Variants in CNTNAP2 observed in about 807,000 individuals in gnomAD.
CNTNAP2 encodes contactin associated protein 2, also known as contactin-associated protein-like 2.
In CNTNAP2, 98 loss-of-function variants were observed where a neutral mutation model predicts 155.2. That is an observed-to-expected ratio of 0.63 (90% CI 0.54 to 0.75). The LOEUF (loss-of-function observed/expected upper bound fraction) is 0.75, where lower values mean the gene tolerates loss of function less well. CNTNAP2 is among the 30% of genes least tolerant of loss of function. The pLI, the probability that CNTNAP2 is intolerant of heterozygous loss-of-function variation, is 0.00. For missense variants in CNTNAP2, 1,727 were observed against 1,688.1 expected (o/e 1.02, Z -0.40); for synonymous variants, 651 against 631.2 (o/e 1.03, Z -0.47).
rs192065818 is a variant in CNTNAP2, at chr7:147,132,055, G to A, written c.1084-190G>A. On this transcript the variant is annotated intron_variant, in intron 7 of 23. Coordinates refer to ENST00000361727, the MANE Select transcript of CNTNAP2 (RefSeq NM_014141.6). ...GACAGCCAACTGCTGCTCAGTAGTA[G>A]GTCTTACACTCCAAGTAGATCCGTA... Among the ~76,000 whole-genome samples the A allele has an allele frequency of 4.2e-4, 64 of 152,206 alleles. No homozygotes were observed. In the East Asian group the frequency reaches 0.011, roughly 27 times the overall value.
intron 17 of CNTNAP2, among the ~76,000 whole-genome samples, chr7:148,162,728 G>A (rs1208174756): frequency 6.6e-6 from 1 of 152,198 alleles, no homozygotes; most frequent in Non-Finnish European, 1.5e-5. Flanking sequence ...AGGTGCAGGG[G>A]CTCACACCTG....
At chr7:147,738,767 G>T (rs764624308) in intron 13 of CNTNAP2, among the ~76,000 whole-genome samples, 1 of 150,414 alleles carries the variant, frequency 6.6e-6, no homozygotes, top group Non-Finnish European at 1.5e-5. Context: ...TGATTCTCCT[G>T]CCTTAGCCTC....
At chr7:148,406,661 G>A (rs1799710203) in intron 22 of CNTNAP2, among the ~76,000 whole-genome samples, 1 of 152,208 alleles carries the variant, frequency 6.6e-6, no homozygotes, top group African/African-American at 2.4e-5. Context: ...ACTAAATAGT[G>A]TCCAGAGAAG....
chr7:147,735,665 T>G (rs1796829873), intron 13 of CNTNAP2, among the ~76,000 whole-genome samples: 1 of 152,212 alleles, frequency 6.6e-6, no homozygotes, highest in Non-Finnish European at 1.5e-5. Context: ...CTAAGTCTCT[T>G]TGTAGGTGTC....
intron 22 of CNTNAP2, among the ~76,000 whole-genome samples, chr7:148,404,100 G>A (rs1303876662): frequency 6.6e-6 from 1 of 152,234 alleles, no homozygotes; most frequent in Admixed American, 6.5e-5. Context: ...TACCTGCATA[G>A]AAGGTTTTGT....
intron 13 of CNTNAP2, among the ~76,000 whole-genome samples, chr7:147,861,927 G>T (rs575952661): frequency 3.9e-4 from 57 of 145,788 alleles, no homozygotes; most frequent in African/African-American, 1.3e-3. Flanking sequence ...GAACCCAGGA[G>T]GCAGAAGTTG....
chr7:148,095,787 T>C (rs1197197459), intron 15 of CNTNAP2, among the ~76,000 whole-genome samples: 1 of 152,220 alleles, frequency 6.6e-6, no homozygotes. Context: ...TGTTATGCTT[T>C]GTGGAAACTA....
At chr7:146,701,718 A>G (rs189119259) in intron 1 of CNTNAP2, among the ~76,000 whole-genome samples, 1 of 152,276 alleles carries the variant, frequency 6.6e-6, no homozygotes, top group Non-Finnish European at 1.5e-5. Flanking sequence ...TATGACATCT[A>G]CTTTGACATC....
rs138699329 is a variant in CNTNAP2 at position 147,364,108 on chromosome 7, T to A, written c.1499-31501T>A. 6.9e-3 allele frequency among the ~76,000 whole-genome samples: 1,044 copies of A among 152,312 alleles called. 10 individuals carry two copies. The highest frequency in any genetic ancestry group is 0.024 in the African/African-American group (1,002 of 41,568). On this transcript the variant is annotated intron_variant, in intron 9 of 23. Transcript: ENST00000361727. ...ATGGTTAACAGATTTTAAGATATTATCTCTCATCAAATAATCATGTTGAGA... is the reference window on the plus strand; with the variant it reads ...ATGGTTAACAGATTTTAAGATATTAACTCTCATCAAATAATCATGTTGAGA...
At chr7:146,396,084 G>C (rs1430469833) in intron 1 of CNTNAP2, among the ~76,000 whole-genome samples, 1 of 151,928 alleles carries the variant, frequency 6.6e-6, no homozygotes, top group Non-Finnish European at 1.5e-5. Context: ...CTTCATCCCT[G>C]CCCTGACACA....
At chr7:147,683,975 A>G (rs1337786379) in intron 13 of CNTNAP2, among the ~76,000 whole-genome samples, 1 of 151,732 alleles carries the variant, frequency 6.6e-6, no homozygotes, top group East Asian at 1.9e-4. Flanking sequence ...TAATTTCTCT[A>G]CCAATGGAGG....
chr7:147,576,065 C>T (rs1451178331), intron 12 of CNTNAP2, among the ~76,000 whole-genome samples: 4 of 151,434 alleles, frequency 2.6e-5, no homozygotes, highest in Non-Finnish European at 5.9e-5. Context: ...CGAAGAAACC[C>T]TCAGTTCTTA....
At chr7:147,645,537 A>G (rs1336666396) in intron 13 of CNTNAP2, among the ~76,000 whole-genome samples, 4 of 152,218 alleles carry the variant, frequency 2.6e-5, no homozygotes, top group Non-Finnish European at 5.9e-5. Flanking sequence ...AATTGTATCG[A>G]GTAATGTTTC....
chr7:148,373,185 C>T (rs1237623370), intron 21 of CNTNAP2, among the ~76,000 whole-genome samples: 1 of 152,140 alleles, frequency 6.6e-6, no homozygotes, highest in African/African-American at 2.4e-5. Flanking sequence ...AGGCCAGGTG[C>T]AGTGGCTCAC....
chr7:146,565,927 T>G (rs1798349898), intron 1 of CNTNAP2, among the ~76,000 whole-genome samples: 1 of 152,254 alleles, frequency 6.6e-6, no homozygotes, highest in African/African-American at 2.4e-5. Flanking sequence ...CACTCCTCCC[T>G]TCTTGTTATT....
intron 9 of CNTNAP2, among the ~76,000 whole-genome samples, chr7:147,305,855 C>G (rs1008967994): frequency 1.3e-5 from 2 of 152,110 alleles, no homozygotes; most frequent in Non-Finnish European, 2.9e-5. Flanking sequence ...TGTCTGAAGG[C>G]CCCAGGGGAG....
chr7:147,894,217 A>T (rs1280518847), intron 13 of CNTNAP2: 1 of 152,240 alleles, frequency 6.6e-6, no homozygotes, highest in Non-Finnish European at 1.5e-5. Context: ...GCCTATACTT[A>T]GTAAGTGTAT....
At chr7:146,696,822 A>G (rs1444609208) in intron 1 of CNTNAP2, among the ~76,000 whole-genome samples, 3 of 152,102 alleles carry the variant, frequency 2.0e-5, no homozygotes, top group African/African-American at 7.2e-5. Flanking sequence ...TGGAATTTTC[A>G]GCTTCTTTTT....
At chr7:147,647,021 AC>A (rs906129255) in intron 13 of CNTNAP2, among the ~76,000 whole-genome samples, 48 of 150,324 alleles carry the variant, frequency 3.2e-4, no homozygotes, top group African/African-American at 1.2e-3. Flanking sequence ...TCACTCTGTC[AC>A]CAGGCTGGAG....
Sources: gnomAD v4.1 joint callset for allele counts (sites outside exome capture counted in the v4.1 genomes callset) on GRCh38, gnomAD v4.1.1 for gene constraint, MANE v1.5 for transcripts, NCBI Gene and HGNC (gene_info 2026-07-23, HGNC 2026-07-21) for gene names.